Variants in DNAJC3 observed in about 807,000 individuals in gnomAD.
DNAJC3 encodes DnaJ heat shock protein family (Hsp40) member C3.
A neutral mutation model predicts 68.6 loss-of-function variants in DNAJC3; 38 were observed. The observed-to-expected ratio is 0.55, with a 90% CI of 0.43 to 0.73. The LOEUF is 0.73. Among genes scored for constraint, DNAJC3 ranks in the 30% least tolerant of loss-of-function variants. The pLI, the probability that DNAJC3 is intolerant of heterozygous loss-of-function variation, is 0.00. For synonymous variants in DNAJC3, 203 were observed against 204.0 expected (o/e 1.00, Z 0.04); for missense variants, 526 against 591.9 (o/e 0.89, Z 1.16).
intron 1 of DNAJC3, among the ~76,000 whole-genome samples, chr13:95,690,392 C>T (rs1880196081): frequency 6.6e-6 from 1 of 151,882 alleles, no homozygotes; most frequent in African/African-American, 2.4e-5. Context: ...CTTCTTTCTA[C>T]ACAGACACGG....
At chr13:95,779,087 C>T (rs180929341) in intron 9 of DNAJC3, among the ~76,000 whole-genome samples, 319 of 148,436 alleles carry the variant, frequency 2.1e-3, no homozygotes, top group African/African-American at 3.9e-3. Context: ...AAATACATAA[C>T]GGAATTTATA....
chr13:95,742,415 CCTT>C (rs1199383613), intron 4 of DNAJC3, among the ~76,000 whole-genome samples: 4 of 152,130 alleles, frequency 2.6e-5, no homozygotes, highest in African/African-American at 9.7e-5. Context: ...AGTGTGATCT[CCTT>C]CTTTGAAGCA....
intron 2 of DNAJC3, among the ~76,000 whole-genome samples, chr13:95,721,257 A>C (rs559344664): frequency 6.6e-6 from 1 of 152,206 alleles, no homozygotes; most frequent in Non-Finnish European, 1.5e-5. Flanking sequence ...TGTAAGGCTG[A>C]ATGAATAACC....
intron 4 of DNAJC3, among the ~76,000 whole-genome samples, chr13:95,738,723 A>C (rs895835457): frequency 2.1e-4 from 32 of 152,066 alleles, no homozygotes; most frequent in African/African-American, 7.7e-4. Flanking sequence ...GTGTCTCTGC[A>C]CGTGAGATGG....
At chr13:95,695,111 T>A (rs376530634) in intron 1 of DNAJC3, 1 of 152,154 alleles carries the variant, frequency 6.6e-6, no homozygotes, top group African/African-American at 2.4e-5. Context: ...CTTTTCACCT[T>A]CCATTTTATC....
intron 1 of DNAJC3, among the ~76,000 whole-genome samples, chr13:95,690,191 A>C (rs1448911575): frequency 6.6e-6 from 1 of 151,918 alleles, no homozygotes; most frequent in East Asian, 1.9e-4. Flanking sequence ...ATGACTCTTA[A>C]GGAGCATGCT....
chr13:95,786,949 T>A lies in DNAJC3; in HGVS notation c.1209-58T>A, dbSNP rs1883619430. Reference sequence around the variant, plus strand: ...GGATCTTAATCAGCTCTTCTGATTTTTATGATAGTATGTTAGACACTTTTC... The same window carrying A: ...GGATCTTAATCAGCTCTTCTGATTTATATGATAGTATGTTAGACACTTTTC... On this transcript the variant is annotated intron_variant, in intron 10 of 11. Coordinates refer to ENST00000602402, the MANE Select transcript of DNAJC3 (RefSeq NM_006260.5). 5.1e-6 allele frequency: 8 copies of A among 1,556,170 alleles called. No individual in the cohort carries two copies. The East Asian group carries it at 1.8e-4, about 35-fold the overall frequency.
intron 1 of DNAJC3, among the ~76,000 whole-genome samples, chr13:95,678,092 G>T (rs938309834): frequency 6.6e-6 from 1 of 152,218 alleles, no homozygotes; most frequent in Admixed American, 6.5e-5. Flanking sequence ...GGCTACTCCA[G>T]AATAGCGAAA....
At position 95,760,064 on chromosome 13, in the gene DNAJC3, C is replaced by T. The variant is rs372983173; in HGVS notation, c.571C>T (p.Arg191Trp). Reference sequence around the variant, plus strand: ...GGTTTGTGTTTGGGATGCAGAACTACGGGAACTTCGAGCTGAATGTTTTAT... The same window carrying T: ...GGTTTGTGTTTGGGATGCAGAACTATGGGAACTTCGAGCTGAATGTTTTAT... ...LEVCVWDAEL[R>W]ELRAECFIKE... The change falls in exon 6 of 12, where the codon CGG becomes TGG. Residue 191 changes from arginine (R) to tryptophan (W), a missense_variant. Arg to Trp is a moderately radical substitution (Grantham distance 101). Transcript: ENST00000602402. 8.7e-6 allele frequency: 14 copies of T among 1,604,744 alleles called. No homozygotes were observed. The Middle Eastern group carries it at 8.3e-4, about 95-fold the overall frequency.
chr13:95,724,588 T>G (rs1881444319), intron 3 of DNAJC3, among the ~76,000 whole-genome samples: 1 of 152,212 alleles, frequency 6.6e-6, no homozygotes, highest in South Asian at 2.1e-4. Flanking sequence ...ATTCACAAGT[T>G]GTGCAGTGGT....
At chr13:95,711,584 A>G (rs1191012433) in intron 2 of DNAJC3, among the ~76,000 whole-genome samples, 2 of 152,084 alleles carry the variant, frequency 1.3e-5, no homozygotes, top group African/African-American at 2.4e-5. Context: ...ATGAGGGGAA[A>G]AGTGGAAAAA....
chr13:95,722,815 GCCCCCCCCCCCCCCCC>G lies in DNAJC3; in HGVS notation c.194-418_194-403del, dbSNP rs759729876. 9.8e-4 allele frequency among the ~76,000 whole-genome samples: 15 copies of G among 15,338 alleles called. 2 individuals are homozygous for G. The highest frequency in any genetic ancestry group is 2.8e-3 in the African/African-American group (7 of 2,534). The allele number at this position is 15,338 out of a possible 152,430, so 10.1% of individuals were successfully genotyped here. A position where few individuals can be genotyped will look rare whatever the true frequency, so the allele number is the denominator to read the frequency against. On this transcript the variant is annotated intron_variant, in intron 2 of 11. Transcript: ENST00000602402. The stretch of plus-strand genomic sequence containing the variant: ...AACCTGGGTGACAGACACCTTGTCC[GCCCCCCCCCCCCCCCC>G]CCCCCCCCGCCGAAAAAGGTTATAA...
chr13:95,725,607 G>C (rs1881481850), intron 4 of DNAJC3, among the ~76,000 whole-genome samples: 1 of 151,434 alleles, frequency 6.6e-6, no homozygotes, highest in African/African-American at 2.4e-5. Flanking sequence ...CTTTGGATCT[G>C]TCCTTTTGGA....
Position 95,790,927 on chromosome 13 carries a change from A to C in DNAJC3, c.1412A>C (p.Gln471Pro). The C allele has an allele frequency of 6.2e-7, 1 of 1,609,058 alleles. No individual in the cohort carries two copies. Among genetic ancestry groups the C allele is most frequent in the East Asian group, 2.2e-5 (1 of 44,850 alleles). Residue 471 changes from glutamine (Q) to proline (P), a missense_variant, in exon 12 of 12, where the codon CAA becomes CCA. Physicochemically the swap from Gln to Pro is moderately conservative, Grantham distance 76. Coordinates refer to ENST00000602402, the MANE Select transcript of DNAJC3 (RefSeq NM_006260.5). ...GEDPLDAESQ[Q>P]GGGGNPFHRS... Reference sequence around the variant, plus strand: ...GATCCTTTGGATGCAGAGAGCCAGCAAGGAGGCGGCGGCAACCCTTTCCAC... The same window carrying C: ...GATCCTTTGGATGCAGAGAGCCAGCCAGGAGGCGGCGGCAACCCTTTCCAC...
chr13:95,727,758 C>G (rs566649254), intron 4 of DNAJC3, among the ~76,000 whole-genome samples: 46 of 152,214 alleles, frequency 3.0e-4, no homozygotes, highest in African/African-American at 1.1e-3. Flanking sequence ...TAGTAGTATT[C>G]ATTTCTTTGT....
At chr13:95,711,989 A>G (rs1880984910) in intron 2 of DNAJC3, among the ~76,000 whole-genome samples, 1 of 152,244 alleles carries the variant, frequency 6.6e-6, no homozygotes, top group African/African-American at 2.4e-5. Flanking sequence ...AGTTTAAAGA[A>G]GTCCACATAT....
At chr13:95,717,071 A>G (rs1881175827) in intron 2 of DNAJC3, among the ~76,000 whole-genome samples, 1 of 152,142 alleles carries the variant, frequency 6.6e-6, no homozygotes, top group East Asian at 1.9e-4. Flanking sequence ...TGCGTTTATC[A>G]GAAGAGAACT....
intron 9 of DNAJC3, 31 bp downstream of exon 9, chr13:95,763,984 C>T (rs1245577945): frequency 5.6e-6 from 9 of 1,604,788 alleles, no homozygotes; most frequent in African/African-American, 4.0e-5. Context: ...TTTGCAGTAC[C>T]GAAGTGTTGA....
intron 1 of DNAJC3, among the ~76,000 whole-genome samples, chr13:95,689,306 TTTC>T (rs1440227063): frequency 7.2e-5 from 11 of 152,038 alleles, no homozygotes; most frequent in Non-Finnish European, 1.2e-4. Flanking sequence ...AGGATTTCTG[TTTC>T]TTCTTGGTTA....
Sources: allele counts gnomAD v4.1 joint callset (sites outside exome capture counted in the v4.1 genomes callset), GRCh38; gene constraint gnomAD v4.1.1; transcripts MANE v1.5; gene names NCBI Gene and HGNC (gene_info 2026-07-23, HGNC 2026-07-21).